The following ITPR1 variants were observed in gnomAD, a reference collection of about 807,000 sequenced individuals.
ITPR1 encodes inositol 1,4,5-trisphosphate receptor type 1, also known as inositol 1,4,5-trisphosphate-gated calcium channel ITPR1.
ITPR1 carries 96 observed loss-of-function variants against 318.4 expected under a neutral mutation model. The ratio of observed to expected loss-of-function variants is 0.30; its 90% CI spans 0.26 to 0.36. The LOEUF is 0.36. ITPR1 is among the 10% of genes least tolerant of loss of function. The pLI, the probability that ITPR1 is intolerant of heterozygous loss-of-function variation, is 1.00. For synonymous variants in ITPR1, 1,312 were observed against 1,289.9 expected, an observed-to-expected ratio of 1.02 and a Z score of -0.37; for missense variants, 2,440 against 3,460.2, an observed-to-expected ratio of 0.71 and a Z score of 7.40.
At chr3:4,512,279 C>T (rs2081892287) in intron 2 of ITPR1, among the ~76,000 whole-genome samples, 1 of 152,146 alleles carries the variant, frequency 6.6e-6, no homozygotes, top group Non-Finnish European at 1.5e-5. Flanking sequence ...GAGTAATTGT[C>T]TGAACAAGGC....
At chr3:4,618,049 G>T (rs2092456738) in intron 4 of ITPR1, among the ~76,000 whole-genome samples, 1 of 152,020 alleles carries the variant, frequency 6.6e-6, no homozygotes, top group Non-Finnish European at 1.5e-5. Context: ...CAAATATAGG[G>T]TGTTGAGGAG....
intron 48 of ITPR1, 87 bp downstream of exon 48, chr3:4,777,461 C>T (rs997730596): frequency 1.2e-5 from 9 of 760,518 alleles, no homozygotes; most frequent in Middle Eastern, 4.5e-4. Context: ...GGCAATTAGT[C>T]ATGAGAGTAA....
chr3:4,681,624 AGTGT>A (rs10665371), intron 26 of ITPR1, among the ~76,000 whole-genome samples: 3,893 of 145,832 alleles, frequency 0.027, 154 homozygotes, highest in African/African-American at 0.089. Flanking sequence ...AGAGAGAGAA[AGTGT>A]GTGTGTGTGT....
chr3:4,815,242 G>A, intron 59 of ITPR1, 24 bp downstream of exon 59: 2 of 1,612,234 alleles, frequency 1.2e-6, no homozygotes, highest in Non-Finnish European at 1.7e-6. Flanking sequence ...GCCAGCTCCA[G>A]CAAGGGCGTG....
intron 4 of ITPR1, among the ~76,000 whole-genome samples, chr3:4,602,579 T>C (rs1299556128): frequency 6.6e-6 from 1 of 150,992 alleles, no homozygotes; most frequent in Non-Finnish European, 1.5e-5. Context: ...AGCAACATTA[T>C]TCATCGTAGC....
At position 4,676,710 on chromosome 3, in the gene ITPR1, C is replaced by T. The variant is rs775529831; in HGVS notation, c.2876C>T (p.Ala959Val). 2 of 1,613,612 alleles carry T rather than the reference C, an allele frequency of 1.2e-6. No individual in the cohort carries two copies. The highest frequency in any genetic ancestry group is 2.7e-5 in the African/African-American group (2 of 74,904). ...TTTTTGCCCATGACTCCCATGGCTG[C>T]TGCCCCTGAAGGCAATGTGAAGCAG... ...GGFLPMTPMA[A>V]APEGNVKQAE... is the part of the protein sequence containing the mutation. Residue 959 changes from alanine to valine, a missense_variant, in exon 24 of 62, where the codon GCT becomes GTT. Physicochemically the swap from Ala to Val is moderately conservative, Grantham distance 64. This residue lies in a region of ITPR1 where 478 missense variants were observed against 696.3 expected (regional missense o/e 0.69). Coordinates refer to ENST00000649015, the MANE Select transcript of ITPR1 (RefSeq NM_001378452.1).
intron 4 of ITPR1, among the ~76,000 whole-genome samples, chr3:4,622,133 GAGA>G (rs1410542793): frequency 6.6e-5 from 2 of 30,396 alleles, no homozygotes; most frequent in African/African-American, 2.5e-4. Context: ...TTTTTTTTTT[GAGA>G]AGGAGTCTTG....
At chr3:4,587,539 G>A (rs1050471986) in intron 4 of ITPR1, among the ~76,000 whole-genome samples, 3 of 152,132 alleles carry the variant, frequency 2.0e-5, no homozygotes, top group African/African-American at 4.8e-5. Flanking sequence ...CCAAAGTACT[G>A]GGATTACAGG....
At chr3:4,776,997 C>T (rs1464117088) in intron 47 of ITPR1, among the ~76,000 whole-genome samples, 1 of 152,232 alleles carries the variant, frequency 6.6e-6, no homozygotes, top group Admixed American at 6.5e-5. Flanking sequence ...CAAAAGCCAA[C>T]TGTGCTGCAT....
rs1454337787 is a variant in ITPR1, at chr3:4,779,627, C to T, written c.6369C>T (p.Asn2123=). Residue 2123 remains asparagine, a synonymous_variant, in exon 49 of 62, where the codon AAC becomes AAT. Transcript: ENST00000649015. This position sits in a 1 kb window ranked among gnomAD's most constrained non-coding sequence, Gnocchi z 4.0. ...AAAACGCAGAGAGGATACTTTATAA[C>T]ATGAGGCCCAAGGAACTGGTGAGTC... is the stretch of plus-strand genomic sequence containing the variant. The part of the protein sequence containing the change: ...DSENAERILY[N]MRPKELVEVI... The T allele has an allele frequency of 1.2e-6, 2 of 1,611,042 alleles. No individual in the cohort carries two copies. The highest frequency in any genetic ancestry group is 1.1e-5 in the South Asian group (1 of 91,016).
intron 39 of ITPR1, among the ~76,000 whole-genome samples, chr3:4,712,326 A>G (rs938525570): frequency 2.6e-5 from 4 of 152,208 alleles, no homozygotes; most frequent in Admixed American, 1.3e-4. Flanking sequence ...GCAGGCATAC[A>G]CGTCACCACT....
intron 42 of ITPR1, among the ~76,000 whole-genome samples, chr3:4,730,371 ATGTGTGTGTGTGTG>A (rs369249391): frequency 7.0e-5 from 4 of 57,312 alleles, no homozygotes; most frequent in African/African-American, 2.2e-4. Flanking sequence ...GTTGGGTGGA[ATGTGTGTGTGTGTG>A]TGTGTGTGTG....
chr3:4,814,264 T>A (rs1018276594), intron 57 of ITPR1, 159 bp from the exon 58 acceptor site: 1 of 792,342 alleles, frequency 1.3e-6, no homozygotes, highest in African/African-American at 1.7e-5. Flanking sequence ...CAGACGACTT[T>A]AGCTTTTGAA....
At chr3:4,591,689 C>T (rs2090409402) in intron 4 of ITPR1, among the ~76,000 whole-genome samples, 1 of 152,304 alleles carries the variant, frequency 6.6e-6, no homozygotes, top group Middle Eastern at 3.4e-3. Context: ...GTGTGGAAGA[C>T]TTTTCATTTA....
At chr3:4,749,356 A>AAATC (rs2044333446) in intron 44 of ITPR1, 1 of 152,334 alleles carries the variant, frequency 6.6e-6, no homozygotes, top group African/African-American at 2.4e-5. Context: ...ATGAGAGAGG[A>AAATC]AATCCCGTAG....
chr3:4,675,279 G>C (rs944702814), intron 23 of ITPR1, 31 bp downstream of exon 23: 7 of 1,527,122 alleles, frequency 4.6e-6, no homozygotes, highest in Non-Finnish European at 6.3e-6. Flanking sequence ...ATACATCTGA[G>C]AGATGCCCTC....
intron 4 of ITPR1, among the ~76,000 whole-genome samples, chr3:4,553,493 C>T (rs544921795): frequency 2.0e-5 from 3 of 151,864 alleles, no homozygotes; most frequent in Non-Finnish European, 1.5e-5. Context: ...TACAGTGGTA[C>T]GATTTCAGCT....
intron 4 of ITPR1, among the ~76,000 whole-genome samples, chr3:4,588,125 G>A (rs554067682): frequency 1.3e-5 from 2 of 152,246 alleles, no homozygotes; most frequent in South Asian, 4.1e-4. Flanking sequence ...CCCCACTGAG[G>A]GATCCCTAGA....
In ITPR1 at chr3:4,683,636, G is replaced by A. The variant is rs1293230626; in HGVS notation, c.3336G>A (p.Leu1112=). ...EVLQAFKQVQ[L]LVTSQDVDNY... is the part of the protein sequence containing the mutation. ...GGATTGCGTTCATTAAGGTTCAACT[G>A]CTGGTTACCAGCCAAGATGTGGACA... Residue 1112 remains leucine, a synonymous_variant, in exon 28 of 62, where the codon CTG becomes CTA. Transcript: ENST00000649015. 1 of 1,614,054 alleles carries A rather than the reference G, an allele frequency of 6.2e-7. No individual in the cohort carries two copies. Among genetic ancestry groups the A allele is most frequent in the Non-Finnish European group, 8.5e-7 (1 of 1,179,900 alleles).
Sources: allele counts gnomAD v4.1 joint callset (sites outside exome capture counted in the v4.1 genomes callset), GRCh38; gene constraint gnomAD v4.1.1; regional missense constraint gnomAD v4.1.1; non-coding constraint Gnocchi (gnomAD v3.1); transcripts MANE v1.5; gene names NCBI Gene and HGNC (gene_info 2026-07-23, HGNC 2026-07-21).